The following DDX50 variants were observed in gnomAD, a reference collection of about 807,000 sequenced individuals.
The protein encoded by DDX50 is DExD-box helicase 50.
DDX50 carries 56 observed loss-of-function variants against 94.8 expected under a neutral mutation model. The observed-to-expected ratio is 0.59, with a 90% CI of 0.48 to 0.74. DDX50 has a LOEUF of 0.74. Ranked by LOEUF, DDX50 falls within the 30% of genes least tolerant of loss-of-function variation. The pLI, the probability that DDX50 is intolerant of heterozygous loss-of-function variation, is 0.00. For synonymous variants in DDX50, 264 were observed against 295.4 expected (o/e 0.89, Z 1.09); for missense variants, 713 against 881.2 (o/e 0.81, Z 2.42).
chr10:68,938,875 C>G (rs1209786015), intron 12 of DDX50, among the ~76,000 whole-genome samples: 1 of 152,072 alleles, frequency 6.6e-6, no homozygotes, highest in Non-Finnish European at 1.5e-5. Context: ...GTTTTCTCAT[C>G]TTTTTAATTT....
chr10:68,912,881 A>G (rs1219532565), intron 4 of DDX50, among the ~76,000 whole-genome samples: 1 of 152,186 alleles, frequency 6.6e-6, no homozygotes. Context: ...GTAAAATATC[A>G]GTATCTTAGG....
chr10:68,916,476 AAAATTGAATAGT>A (rs938416757), intron 7 of DDX50, among the ~76,000 whole-genome samples: 9 of 152,170 alleles, frequency 5.9e-5, no homozygotes, highest in African/African-American at 1.9e-4. Context: ...TCAAACATAT[AAAATTGAATAGT>A]AAATTGAATA....
At chr10:68,926,001 A>G (rs10998488) in intron 8 of DDX50, among the ~76,000 whole-genome samples, 2,742 of 128,938 alleles carry the variant, frequency 0.021, 76 homozygotes, top group African/African-American at 0.06. Context: ...GCAACAGAGC[A>G]AGACTCTGTC....
intron 8 of DDX50, among the ~76,000 whole-genome samples, chr10:68,920,196 C>T (rs1841904082): frequency 6.6e-6 from 1 of 152,180 alleles, no homozygotes; most frequent in Non-Finnish European, 1.5e-5. Context: ...GGGTCTCCCT[C>T]TTATGCCCAG....
Position 68,907,409 on chromosome 10 carries a change from G to A in DDX50, c.384+402G>A, listed in dbSNP as rs574320845. ...CAGCTCATGGCAACCTCTGCCTCCCGGGTTGAAGCGATTCTCCTGAGTCAG... is the reference window on the plus strand; with the variant it reads ...CAGCTCATGGCAACCTCTGCCTCCCAGGTTGAAGCGATTCTCCTGAGTCAG... On this transcript the variant is annotated intron_variant, in intron 2 of 14. Transcript: ENST00000373585. Among the ~76,000 whole-genome samples the A allele has an allele frequency of 2.9e-4, 42 of 147,262 alleles. 1 individual carries two copies. The East Asian group carries it at 8.0e-3, about 28-fold the overall frequency.
intron 8 of DDX50, among the ~76,000 whole-genome samples, chr10:68,926,887 G>C (rs950870515): frequency 6.6e-6 from 1 of 151,558 alleles, no homozygotes; most frequent in African/African-American, 2.4e-5. Context: ...GTTCCTCTTA[G>C]GACAAATTAT....
chr10:68,904,969 TG>T (rs1478212293), intron 1 of DDX50, among the ~76,000 whole-genome samples: 1 of 152,260 alleles, frequency 6.6e-6, no homozygotes, highest in Non-Finnish European at 1.5e-5. Context: ...AACATTTTGG[TG>T]GTAGTAGTTT....
intron 4 of DDX50, 57 bp downstream of exon 4, chr10:68,911,303 A>G: frequency 1.4e-6 from 2 of 1,457,102 alleles, no homozygotes; most frequent in Non-Finnish European, 1.8e-6. Context: ...AGGGAAAGAA[A>G]GTTACACGAG....
chr10:68,925,962 C>G (rs1474906419), intron 8 of DDX50, among the ~76,000 whole-genome samples: 1 of 147,326 alleles, frequency 6.8e-6, no homozygotes, highest in African/African-American at 2.5e-5. Flanking sequence ...TGCAGTGAGC[C>G]GAGATCGCGC....
chr10:68,930,084 C>T (rs1342967356), intron 8 of DDX50, among the ~76,000 whole-genome samples: 3 of 133,212 alleles, frequency 2.3e-5, no homozygotes, highest in African/African-American at 3.0e-5. Flanking sequence ...TTTCCTTTCC[C>T]TTCCTTCCTT....
chr10:68,919,984 A>G lies in DDX50; in HGVS notation c.1239+3A>G, dbSNP rs1333614757. 1.2e-6 allele frequency: 2 copies of G among 1,613,116 alleles called. No individual in the cohort carries two copies. The highest frequency in any genetic ancestry group is 8.5e-7 in the Non-Finnish European group (1 of 1,179,794). On this transcript the variant is annotated splice_donor_region_variant and intron_variant, in intron 8 of 14. Coordinates refer to ENST00000373585, the MANE Select transcript of DDX50 (RefSeq NM_024045.2). ...CCATGAATCCACACATAAAACAGGT[A>G]AGTCTTTTTTTCATGCTTTCTCTAA...
chr10:68,913,764 G>C (rs1473676696), intron 6 of DDX50, among the ~76,000 whole-genome samples, 188 bp downstream of exon 6: 1 of 152,112 alleles, frequency 6.6e-6, no homozygotes, highest in Admixed American at 6.5e-5. Context: ...TTAGCTTTCT[G>C]TGCTTTATTC....
intron 1 of DDX50, 52 bp from the exon 2 acceptor site, chr10:68,906,659 C>G: frequency 6.3e-7 from 1 of 1,578,338 alleles, no homozygotes; most frequent in Non-Finnish European, 8.6e-7. Flanking sequence ...TCTCTAGAGT[C>G]TTAAAAGAAA....
chr10:68,913,718 A>G, intron 6 of DDX50, 142 bp downstream of exon 6: 10 of 782,334 alleles, frequency 1.3e-5, no homozygotes, highest in South Asian at 1.2e-4. Flanking sequence ...CTGTCCTTGA[A>G]AAAGAAAGTA....
intron 2 of DDX50, among the ~76,000 whole-genome samples, chr10:68,907,664 T>C (rs1841498878): frequency 6.6e-6 from 1 of 152,164 alleles, no homozygotes; most frequent in Non-Finnish European, 1.5e-5. Flanking sequence ...ATTGCTGATA[T>C]TCATATACAT....
intron 7 of DDX50, 131 bp downstream of exon 7, chr10:68,914,335 C>T (rs1841720766): frequency 1.0e-6 from 1 of 992,578 alleles, no homozygotes. Context: ...AGTAAGACAC[C>T]TATATATTTT....
intron 2 of DDX50, among the ~76,000 whole-genome samples, chr10:68,907,628 A>C (rs1465568225): frequency 6.6e-6 from 1 of 151,780 alleles, no homozygotes; most frequent in Admixed American, 6.6e-5. Context: ...ATAATTAGTA[A>C]TTCTTTATAT....
In DDX50 at chr10:68,934,480, T is replaced by A; in HGVS notation, c.1401+120T>A. 1 of 1,349,696 alleles carries A rather than the reference T, an allele frequency of 7.4e-7. No individual in the cohort carries two copies. The highest frequency in any genetic ancestry group is 1.0e-6 in the Non-Finnish European group (1 of 983,682). The allele number at this position is 1,349,696 out of a possible 1,614,324, so 83.6% of individuals were successfully genotyped here. ...ATCTCTTCTTGCTCTTAGCCATTTTTTGTTAGTGTGCTATTAAATTTATCA... is the reference window on the plus strand; with the variant it reads ...ATCTCTTCTTGCTCTTAGCCATTTTATGTTAGTGTGCTATTAAATTTATCA... On this transcript the variant is annotated intron_variant, in intron 9 of 14. Coordinates refer to ENST00000373585, the MANE Select transcript of DDX50 (RefSeq NM_024045.2). The surrounding 1 kb of genome is among the most constrained non-coding windows in gnomAD (Gnocchi z 4.0).
rs1336868985 is a variant in DDX50 at position 68,915,032 on chromosome 10, A to C, written c.1089+828A>C. Among the ~76,000 whole-genome samples the C allele has an allele frequency of 9.2e-5, 14 of 151,690 alleles. No homozygotes were observed. The East Asian group carries it at 2.5e-3, about 27-fold the overall frequency. The stretch of plus-strand genomic sequence containing the variant: ...GGAGACCCTGTCTCAAAAAAAAAAA[A>C]AAAAACCACAGAAGTCAGAAGAAGA... On this transcript the variant is annotated intron_variant, in intron 7 of 14. Coordinates refer to ENST00000373585, the MANE Select transcript of DDX50 (RefSeq NM_024045.2).
Sources: allele counts gnomAD v4.1 joint callset (sites outside exome capture counted in the v4.1 genomes callset), GRCh38; gene constraint gnomAD v4.1.1; non-coding constraint Gnocchi (gnomAD v3.1); transcripts MANE v1.5; gene names NCBI Gene and HGNC (gene_info 2026-07-23, HGNC 2026-07-21).